The following CTNND2 variants were observed in gnomAD, a reference collection of about 807,000 sequenced individuals.
CTNND2 encodes catenin delta 2.
In CTNND2, 22 loss-of-function variants were observed where a neutral mutation model predicts 144.4. That is an observed-to-expected ratio of 0.15 (90% CI 0.11 to 0.22). The LOEUF is 0.22. Among genes scored for constraint, CTNND2 ranks in the 10% least tolerant of loss-of-function variants. The probability of loss-of-function intolerance (pLI) is 1.00; values close to 1 mark genes in which losing one functional copy is unlikely to be tolerated. For missense variants in CTNND2, 1,353 were observed against 1,618.8 expected (o/e 0.84, Z 2.82); for synonymous variants, 751 against 695.6 (o/e 1.08, Z -1.25).
At chr5:11,891,459 TCTC>T (rs1736955482) in intron 1 of CTNND2, among the ~76,000 whole-genome samples, 2 of 152,138 alleles carry the variant, frequency 1.3e-5, no homozygotes, top group Admixed American at 1.3e-4. Flanking sequence ...GTTTGCGTCT[TCTC>T]CTCACCCACC....
chr5:11,225,930 A>G (rs1409286640), intron 10 of CTNND2, among the ~76,000 whole-genome samples: 7 of 152,356 alleles, frequency 4.6e-5, no homozygotes, highest in Admixed American at 2.0e-4. Context: ...GAGAAGAGAT[A>G]CAGAAAGAAA....
chr5:11,549,147 A>G (rs1331740958), intron 3 of CTNND2, among the ~76,000 whole-genome samples: 3 of 152,198 alleles, frequency 2.0e-5, no homozygotes, highest in Admixed American at 6.5e-5. Flanking sequence ...GATACCTAGG[A>G]AAGTATTTTT....
intron 15 of CTNND2, among the ~76,000 whole-genome samples, chr5:11,084,393 G>A (rs1274510515): frequency 6.6e-6 from 1 of 152,150 alleles, no homozygotes; most frequent in African/African-American, 2.4e-5. Flanking sequence ...GTGCCCTGCT[G>A]AGTCTCCAGT....
intron 16 of CTNND2, among the ~76,000 whole-genome samples, chr5:11,028,144 G>T (rs923110655): frequency 6.6e-6 from 1 of 150,896 alleles, no homozygotes; most frequent in African/African-American, 2.4e-5. Context: ...ATGTGTAGAT[G>T]GTCTTTGTTG....
At chr5:11,232,996 A>T (rs1741209957) in intron 10 of CTNND2, among the ~76,000 whole-genome samples, 1 of 152,016 alleles carries the variant, frequency 6.6e-6, no homozygotes, top group African/African-American at 2.4e-5. Flanking sequence ...GCTTGTACTC[A>T]ATCTCTCTTT....
chr5:11,677,325 C>T (rs901081461), intron 2 of CTNND2, among the ~76,000 whole-genome samples: 9 of 152,194 alleles, frequency 5.9e-5, no homozygotes, highest in Non-Finnish European at 1.3e-4. Context: ...TTCTACACCT[C>T]CTGTGCTTTT....
chr5:11,348,183 C>T (rs1448591220), intron 8 of CTNND2, among the ~76,000 whole-genome samples: 1 of 152,150 alleles, frequency 6.6e-6, no homozygotes, highest in African/African-American at 2.4e-5. Context: ...GGCTAATAAA[C>T]ATTAACTGCA....
chr5:11,228,205 C>T (rs1005602387), intron 10 of CTNND2, among the ~76,000 whole-genome samples: 2 of 151,534 alleles, frequency 1.3e-5, no homozygotes, highest in East Asian at 2.0e-4. Context: ...TTTAGCCAGG[C>T]GTGGTGGTGA....
intron 1 of CTNND2, among the ~76,000 whole-genome samples, chr5:11,751,012 G>T (rs558492943): frequency 6.6e-6 from 1 of 151,830 alleles, no homozygotes; most frequent in Non-Finnish European, 1.5e-5. Context: ...ACACTCACCT[G>T]TCCGGGGTAA....
rs548732686 is a variant in CTNND2, at chr5:11,754,814, T to C, written c.38-22542A>G. On this transcript the variant is annotated intron_variant, in intron 1 of 21. Coordinates refer to ENST00000304623, the MANE Select transcript of CTNND2 (RefSeq NM_001332.4). ...TGTTTATATAGTGGATTTTTTTCCA[T>C]CCCTTTACTGTGAGCCTGTGGGTTT... Among the ~76,000 whole-genome samples the C allele has an allele frequency of 1.1e-4, 16 of 151,878 alleles. No individual in the cohort carries two copies. In the East Asian group the frequency reaches 2.5e-3, roughly 24 times the overall value.
chr5:11,573,363 T>C (rs866008489), intron 2 of CTNND2, among the ~76,000 whole-genome samples: 3 of 152,274 alleles, frequency 2.0e-5, no homozygotes, highest in South Asian at 2.1e-4. Context: ...CTGGGTGATC[T>C]TTTTTCTTAC....
At chr5:11,174,949 C>T (rs1188923255) in intron 11 of CTNND2, among the ~76,000 whole-genome samples, 3 of 152,192 alleles carry the variant, frequency 2.0e-5, no homozygotes, top group Non-Finnish European at 4.4e-5. Flanking sequence ...ACTGGCTTTT[C>T]AAGATATTAT....
chr5:11,893,192 C>T (rs1737119061), intron 1 of CTNND2, among the ~76,000 whole-genome samples: 1 of 152,042 alleles, frequency 6.6e-6, no homozygotes, highest in Non-Finnish European at 1.5e-5. Flanking sequence ...ATCCTAGTAG[C>T]AATTAATGCA....
intron 3 of CTNND2, among the ~76,000 whole-genome samples, chr5:11,486,421 A>G (rs1478770436): frequency 1.3e-5 from 2 of 152,222 alleles, no homozygotes; most frequent in South Asian, 2.1e-4. Context: ...CTCACCTTCA[A>G]TACTTGTTCA....
intron 2 of CTNND2, among the ~76,000 whole-genome samples, chr5:11,615,416 T>A (rs1189660999): frequency 6.6e-6 from 1 of 152,230 alleles, no homozygotes; most frequent in Non-Finnish European, 1.5e-5. Flanking sequence ...TAAAAAATTA[T>A]GTTCTTAAAA....
At chr5:11,900,885 T>C (rs1737797751) in intron 1 of CTNND2, among the ~76,000 whole-genome samples, 4 of 152,178 alleles carry the variant, frequency 2.6e-5, no homozygotes, top group Admixed American at 2.0e-4. Flanking sequence ...CTCCCAACTA[T>C]GTTAAGTCTT....
chr5:10,980,709 T>C (rs925409116), intron 21 of CTNND2, among the ~76,000 whole-genome samples: 4 of 152,184 alleles, frequency 2.6e-5, no homozygotes, highest in African/African-American at 4.8e-5. Context: ...CATGGAATAC[T>C]ATGCAGCCAT....
At chr5:11,851,028 A>G (rs6554651) in intron 1 of CTNND2, among the ~76,000 whole-genome samples, 1 of 151,998 alleles carries the variant, frequency 6.6e-6, no homozygotes, top group Admixed American at 6.6e-5. Flanking sequence ...AGAACTTAAG[A>G]GAAAAGACGG....
chr5:11,675,028 T>C (rs745574382), intron 2 of CTNND2, among the ~76,000 whole-genome samples: 2 of 152,186 alleles, frequency 1.3e-5, no homozygotes, highest in Admixed American at 6.5e-5. Context: ...AATGGGGTTA[T>C]TGCAGGTTGC....
Sources: allele counts gnomAD v4.1 joint callset (sites outside exome capture counted in the v4.1 genomes callset), GRCh38; gene constraint gnomAD v4.1.1; transcripts MANE v1.5; gene names NCBI Gene and HGNC (gene_info 2026-07-23, HGNC 2026-07-21).